The following GNAQ variants were observed in gnomAD, a reference collection of about 807,000 sequenced individuals.
GNAQ encodes guanine nucleotide-binding protein G(q) subunit alpha.
In GNAQ, 8 loss-of-function variants were observed where a neutral mutation model predicts 43.9. The ratio of observed to expected loss-of-function variants is 0.18; its 90% CI spans 0.11 to 0.33. GNAQ has a LOEUF of 0.33. Among genes scored for constraint, GNAQ ranks in the 10% least tolerant of loss-of-function variants. The pLI is 1.00. For missense variants in GNAQ, 158 were observed against 450.8 expected (o/e 0.35, Z 5.88); for synonymous variants, 155 against 170.7 (o/e 0.91, Z 0.71).
intron 1 of GNAQ, among the ~76,000 whole-genome samples, chr9:78,001,959 T>G (rs930530258): frequency 6.6e-6 from 1 of 152,244 alleles, no homozygotes; most frequent in African/African-American, 2.4e-5. Flanking sequence ...CATCACAATT[T>G]TCTATTTCAA....
intron 1 of GNAQ, among the ~76,000 whole-genome samples, chr9:78,009,426 T>C (rs1004510972): frequency 6.6e-6 from 1 of 152,158 alleles, no homozygotes; most frequent in African/African-American, 2.4e-5. Flanking sequence ...CAGACGTCCC[T>C]CTCTCTTGAT....
chr9:77,756,566 G>C (rs926631638), intron 5 of GNAQ, among the ~76,000 whole-genome samples: 2 of 152,192 alleles, frequency 1.3e-5, no homozygotes, highest in Non-Finnish European at 2.9e-5. Context: ...ATGGCCTAGG[G>C]AATGCTGGCA....
chr9:77,935,124 CA>C (rs1295224692), intron 1 of GNAQ, among the ~76,000 whole-genome samples: 1 of 151,850 alleles, frequency 6.6e-6, no homozygotes, highest in African/African-American at 2.4e-5. Context: ...GATGCTGTCT[CA>C]AAAAAATAAG....
chr9:77,846,786 G>A (rs891073002), intron 2 of GNAQ, among the ~76,000 whole-genome samples: 98 of 152,266 alleles, frequency 6.4e-4, no homozygotes, highest in Middle Eastern at 3.4e-3. Flanking sequence ...ATGTTTTAGA[G>A]TTAGCAAAGC....
intron 1 of GNAQ, among the ~76,000 whole-genome samples, chr9:77,985,628 A>G (rs1184202858): frequency 2.0e-5 from 3 of 152,180 alleles, no homozygotes; most frequent in Admixed American, 2.0e-4. Context: ...TCTGTGGCTC[A>G]GGCTGGAGTG....
At position 78,011,084 on chromosome 9, in the gene GNAQ, A is replaced by C. The variant is rs1823767243; in HGVS notation, c.136+20016T>G. ...TAGATGCACAGCAAGAAAATCCCAA[A>C]AACAGCAAGGCTCCATTCTGAATGA... On this transcript the variant is annotated intron_variant, in intron 1 of 6. Transcript: ENST00000286548. 2.0e-5 allele frequency among the ~76,000 whole-genome samples: 3 copies of C among 152,282 alleles called. No homozygotes were observed. The South Asian group carries it at 6.2e-4, about 32-fold the overall frequency.
intron 2 of GNAQ, among the ~76,000 whole-genome samples, chr9:77,892,273 C>G (rs1413858479): frequency 6.6e-6 from 1 of 152,170 alleles, no homozygotes; most frequent in African/African-American, 2.4e-5. Context: ...ACCCATCCTC[C>G]TCACTCCTCT....
Position 77,922,344 on chromosome 9 carries a change from C to T in GNAQ, c.138G>A (p.Gly46=). 1 of 1,609,906 alleles carries T rather than the reference C, an allele frequency of 6.2e-7. No homozygotes were observed. Among genetic ancestry groups the T allele is most frequent in the Non-Finnish European group, 8.5e-7 (1 of 1,176,612 alleles). Residue 46 remains glycine (G), a splice_region_variant and synonymous_variant, in exon 2 of 7, where the codon GGG becomes GGA. Transcript: ENST00000286548. ...ARRELKLLLL[G]TGESGKSTFI... is the part of the protein sequence containing the mutation. The stretch of plus-strand genomic sequence containing the variant: ...ACGTACTCTTGCCACTCTCTCCTGT[C>T]CCTGAAAGATGAACAATAGCAGCTC...
intron 2 of GNAQ, among the ~76,000 whole-genome samples, chr9:77,881,603 T>TG (rs1293759673): frequency 1.3e-5 from 2 of 152,126 alleles, no homozygotes; most frequent in African/African-American, 4.8e-5. Flanking sequence ...AGGCTGGCCT[T>TG]GAACTCCTGA....
chr9:77,892,272 C>T (rs1399924660), intron 2 of GNAQ, among the ~76,000 whole-genome samples: 3 of 152,148 alleles, frequency 2.0e-5, no homozygotes, highest in African/African-American at 4.8e-5. Context: ...AACCCATCCT[C>T]CTCACTCCTC....
At chr9:77,932,392 A>AATAATAAAATATCTAATGG (rs1186043013) in intron 1 of GNAQ, among the ~76,000 whole-genome samples, 1 of 152,262 alleles carries the variant, frequency 6.6e-6, no homozygotes, top group Non-Finnish European at 1.5e-5. Flanking sequence ...TTGATAGATG[A>AATAATAAAATATCTAATGG]ATAATAAAAT....
At chr9:78,028,978 GA>G in intron 1 of GNAQ, among the ~76,000 whole-genome samples, 1 of 151,840 alleles carries the variant, frequency 6.6e-6, no homozygotes, top group East Asian at 1.9e-4. Context: ...CTAATAAGAG[GA>G]AAAAAAAGTT....
chr9:78,014,292 A>G (rs1823810673), intron 1 of GNAQ, among the ~76,000 whole-genome samples: 1 of 152,144 alleles, frequency 6.6e-6, no homozygotes, highest in South Asian at 2.1e-4. Context: ...AAACTCAACT[A>G]TTTTAAGAAA....
At chr9:77,962,099 T>C (rs1039676774) in intron 1 of GNAQ, among the ~76,000 whole-genome samples, 2 of 151,190 alleles carry the variant, frequency 1.3e-5, no homozygotes, top group Admixed American at 1.3e-4. Flanking sequence ...GTGAACCTGA[T>C]GACACAAAAA....
chr9:77,734,530 A>C (rs1185172133), intron 5 of GNAQ, among the ~76,000 whole-genome samples: 1 of 151,874 alleles, frequency 6.6e-6, no homozygotes, highest in African/African-American at 2.4e-5. Flanking sequence ...ACAGTCATCT[A>C]TGCATCTATG....
At chr9:77,735,950 A>G (rs1365070354) in intron 5 of GNAQ, among the ~76,000 whole-genome samples, 2 of 152,182 alleles carry the variant, frequency 1.3e-5, no homozygotes, top group African/African-American at 2.4e-5. Flanking sequence ...CAATGCATCC[A>G]AGCCCCTAGC....
At chr9:78,004,691 T>C (rs995948494) in intron 1 of GNAQ, among the ~76,000 whole-genome samples, 3 of 151,826 alleles carry the variant, frequency 2.0e-5, no homozygotes, top group Non-Finnish European at 2.9e-5. Flanking sequence ...TAAACAAACA[T>C]AAAACGTCAT....
At chr9:77,771,224 T>C (rs1310907298) in intron 5 of GNAQ, among the ~76,000 whole-genome samples, 1 of 152,160 alleles carries the variant, frequency 6.6e-6, no homozygotes, top group Non-Finnish European at 1.5e-5. Context: ...TTAAGGGATG[T>C]GGGGGCCATA....
At chr9:77,855,095 T>A (rs887200620) in intron 2 of GNAQ, among the ~76,000 whole-genome samples, 19 of 152,274 alleles carry the variant, frequency 1.2e-4, no homozygotes, top group African/African-American at 4.6e-4. Context: ...TGCCCTTGTT[T>A]CAAGCCTTAA....
Sources: gnomAD v4.1 joint callset for allele counts (sites outside exome capture counted in the v4.1 genomes callset) on GRCh38, gnomAD v4.1.1 for gene constraint, MANE v1.5 for transcripts, NCBI Gene and HGNC (gene_info 2026-07-23, HGNC 2026-07-21) for gene names.